The following RAD52 variants were observed in gnomAD, a reference collection of about 807,000 sequenced individuals.
RAD52 encodes the protein DNA repair protein RAD52 homolog.
RAD52 carries 47 observed loss-of-function variants against 55.5 expected under a neutral mutation model. The ratio of observed to expected loss-of-function variants is 0.85; its 90% confidence interval spans 0.67 to 1.08. The LOEUF (loss-of-function observed/expected upper bound fraction) is 1.08. RAD52 is among the 50% of genes least tolerant of loss of function. RAD52 has a pLI of 0.00. For synonymous variants in RAD52, 184 were observed against 198.9 expected, an observed-to-expected ratio of 0.92 and a Z score of 0.63; for missense variants, 468 against 522.8, an observed-to-expected ratio of 0.90 and a Z score of 1.02.
chr12:914,321 C>A, intron 10 of RAD52, 110 bp downstream of exon 10: 1 of 1,475,146 alleles, frequency 6.8e-7, no homozygotes. Flanking sequence ...CAGCCAGAAC[C>A]CCCTCAACAA....
chr12:920,659 G>C (rs1006635986), intron 7 of RAD52, among the ~76,000 whole-genome samples: 1 of 151,770 alleles, frequency 6.6e-6, no homozygotes, highest in Non-Finnish European at 1.5e-5. Flanking sequence ...AGCAAACTTT[G>C]AGAGGATTGT....
At chr12:966,018 C>T (rs1958762036) in intron 1 of RAD52, among the ~76,000 whole-genome samples, 1 of 152,022 alleles carries the variant, frequency 6.6e-6, no homozygotes, top group African/African-American at 2.4e-5. Context: ...CCTCTGTCAC[C>T]CAGGCTGGAG....
intron 1 of RAD52, among the ~76,000 whole-genome samples, chr12:937,936 C>A (rs745450083): frequency 3.3e-5 from 5 of 152,116 alleles, no homozygotes; most frequent in Admixed American, 6.5e-5. Context: ...AAATTTCTGA[C>A]CCCTCTGTGG....
intron 1 of RAD52, among the ~76,000 whole-genome samples, chr12:983,849 A>G (rs1959052137): frequency 6.6e-6 from 1 of 152,170 alleles, no homozygotes; most frequent in South Asian, 2.1e-4. Flanking sequence ...AACCTTCATT[A>G]TCTCTTCAGG....
At chr12:972,249 G>A (rs1592488175) in intron 1 of RAD52, among the ~76,000 whole-genome samples, 1 of 152,254 alleles carries the variant, frequency 6.6e-6, no homozygotes, top group South Asian at 2.1e-4. Flanking sequence ...GGGGGAGACT[G>A]AAGATAAGCA....
At chr12:955,631 G>A (rs960390761) in intron 1 of RAD52, among the ~76,000 whole-genome samples, 20 of 151,784 alleles carry the variant, frequency 1.3e-4, no homozygotes, top group Admixed American at 1.2e-3. Context: ...ACGCCACCAC[G>A]CCCAGCTAAT....
chr12:950,663 T>A (rs946043932), upstream of RAD52, among the ~76,000 whole-genome samples: 6 of 151,856 alleles, frequency 4.0e-5, no homozygotes, highest in Non-Finnish European at 8.8e-5. Context: ...TCCTCTTGCC[T>A]CAGCCTCCCA....
chr12:961,636 AG>A (rs1958687515), intron 1 of RAD52, among the ~76,000 whole-genome samples: 1 of 151,990 alleles, frequency 6.6e-6, no homozygotes, highest in Admixed American at 6.6e-5. Flanking sequence ...TGAGGTGGGT[AG>A]ATTACTTGTT....
At chr12:931,455 C>A in intron 2 of RAD52, 134 bp from the exon 3 acceptor site, 1 of 589,820 alleles carries the variant, frequency 1.7e-6, no homozygotes, top group East Asian at 3.1e-5. Flanking sequence ...TCTATGTATC[C>A]TATTAGGAAT....
At chr12:925,997 A>G (rs1358634008) in intron 6 of RAD52, among the ~76,000 whole-genome samples, 4 of 152,058 alleles carry the variant, frequency 2.6e-5, no homozygotes, top group Admixed American at 1.3e-4. Flanking sequence ...TTCTGGTTCA[A>G]TTCACTTCAA....
At chr12:930,977 T>TAA (rs11397921) in intron 3 of RAD52, among the ~76,000 whole-genome samples, 25,921 of 141,660 alleles carry the variant, frequency 0.18, 2,463 homozygotes, top group Admixed American at 0.23. Flanking sequence ...TCTTTAAAAA[T>TAA]AAAAAAAAAA....
At chr12:933,876 C>A (rs1957467330) in intron 1 of RAD52, among the ~76,000 whole-genome samples, 1 of 152,000 alleles carries the variant, frequency 6.6e-6, no homozygotes, top group Non-Finnish European at 1.5e-5. Context: ...AATCCTACCA[C>A]CTTGGGAGGC....
At chr12:914,647 G>A (rs529344987) in intron 9 of RAD52, 115 bp from the exon 10 acceptor site, 49 of 1,238,932 alleles carry the variant, frequency 4.0e-5, no homozygotes, top group African/African-American at 2.6e-4. Flanking sequence ...GCACAACACC[G>A]CTTAGGGCTG....
upstream of RAD52, among the ~76,000 whole-genome samples, chr12:950,124 G>C (rs1350154570): frequency 6.6e-6 from 1 of 152,232 alleles, no homozygotes; most frequent in African/African-American, 2.4e-5. Context: ...GACCTTCCCA[G>C]ATTCCGCCCG....
intron 1 of RAD52, among the ~76,000 whole-genome samples, chr12:955,770 G>A (rs1016766272): frequency 1.3e-5 from 2 of 150,974 alleles, no homozygotes; most frequent in African/African-American, 4.9e-5. Flanking sequence ...CTGCACCTGG[G>A]CATTTTTGTT....
At chr12:965,920 A>G (rs144584449) in intron 1 of RAD52, among the ~76,000 whole-genome samples, 1,660 of 151,978 alleles carry the variant, frequency 0.011, 37 homozygotes, top group African/African-American at 0.038. Context: ...TGCTGACCTC[A>G]TGATCCTCCC....
At chr12:965,312 T>C (rs553704330) in intron 1 of RAD52, among the ~76,000 whole-genome samples, 12 of 152,146 alleles carry the variant, frequency 7.9e-5, no homozygotes, top group African/African-American at 2.9e-4. Context: ...TTGGTACATG[T>C]AATTTAATAT....
chr12:938,601 T>C (rs1381570347), intron 1 of RAD52, among the ~76,000 whole-genome samples: 2 of 152,134 alleles, frequency 1.3e-5, no homozygotes, highest in African/African-American at 4.8e-5. Context: ...GGATAATCAC[T>C]TGAACCCAGC....
intron 1 of RAD52, among the ~76,000 whole-genome samples, chr12:964,956 C>CGCAT (rs1555181826): frequency 4.4e-5 from 1 of 22,516 alleles, no homozygotes; most frequent in Non-Finnish European, 9.5e-5. Flanking sequence ...TTTGCCTGCC[C>CGCAT]GCCTGCCTGC....
Sources: allele counts gnomAD v4.1 joint callset (sites outside exome capture counted in the v4.1 genomes callset), GRCh38; gene constraint gnomAD v4.1.1; transcripts MANE v1.5; gene names NCBI Gene and HGNC (gene_info 2026-07-23, HGNC 2026-07-21).